COL4A4: variants seen among roughly 807,000 people sequenced by gnomAD.
COL4A4 encodes the protein collagen alpha-4(IV) chain.
Under a neutral mutation model 192.9 loss-of-function variants are expected in COL4A4, and 105 were observed. That is an observed-to-expected ratio of 0.54 (90% CI 0.46 to 0.64). The LOEUF (loss-of-function observed/expected upper bound fraction) is 0.64. Among genes scored for constraint, COL4A4 ranks in the 30% least tolerant of loss-of-function variants. COL4A4 has a pLI of 0.00. For missense variants in COL4A4, 1,967 were observed against 2,169.3 expected (o/e 0.91, Z 1.85); for synonymous variants, 762 against 769.9 (o/e 0.99, Z 0.17).
chr2:227,121,290 G>T, intron 4 of COL4A4, 142 bp from the exon 5 acceptor site: 1 of 985,286 alleles, frequency 1.0e-6, no homozygotes, highest in Non-Finnish European at 1.5e-6. Flanking sequence ...GGCTGGAGAT[G>T]GTGGCTCACA....
chr2:227,048,275 G>T (rs1460071133), intron 34 of COL4A4, among the ~76,000 whole-genome samples: 1 of 152,160 alleles, frequency 6.6e-6, no homozygotes, highest in Non-Finnish European at 1.5e-5. Flanking sequence ...AGTTCCACCA[G>T]CACCTTGTGG....
In COL4A4 at chr2:227,094,124, C is replaced by T. The variant is rs1553676230; in HGVS notation, c.1369+1G>A. ...ATGGATATGAATAAGGAGTACTTTACCACTTGATCCTGGGAGGCCCTGCAG... is the reference window on the plus strand; with the variant it reads ...ATGGATATGAATAAGGAGTACTTTATCACTTGATCCTGGGAGGCCCTGCAG... On this transcript the variant is annotated splice_donor_variant, in intron 20 of 47. Transcript: ENST00000396625. LOFTEE classifies it high-confidence loss of function. 6.2e-7 allele frequency: 1 copy of T among 1,613,548 alleles called. No homozygotes were observed. Among genetic ancestry groups the T allele is most frequent in the Non-Finnish European group, 8.5e-7 (1 of 1,179,702 alleles).
intron 20 of COL4A4, among the ~76,000 whole-genome samples, chr2:227,091,656 G>A (rs866401139): frequency 6.6e-6 from 1 of 152,098 alleles, no homozygotes; most frequent in Non-Finnish European, 1.5e-5. Context: ...CACTTTGGGA[G>A]GCCAAAGGGG....
At chr2:226,994,403 G>A in the COL4A4 span, among the ~76,000 whole-genome samples, 4 of 152,178 alleles carry the variant, frequency 2.6e-5, no homozygotes, top group African/African-American at 7.2e-5. Context: ...GGAAGGTGCC[G>A]AAAGCTGAAG....
chr2:227,054,467 C>A, intron 31 of COL4A4, 127 bp downstream of exon 31: 4 of 1,030,750 alleles, frequency 3.9e-6, no homozygotes, highest in Non-Finnish European at 5.9e-6. Context: ...AAACAAATAC[C>A]ATAGAACTAA....
intron 6 of COL4A4, among the ~76,000 whole-genome samples, chr2:227,119,242 G>A (rs929212276): frequency 6.6e-6 from 1 of 151,692 alleles, no homozygotes; most frequent in Non-Finnish European, 1.5e-5. Context: ...GTTAGAAAAC[G>A]TTGCTTTCCA....
chr2:226,989,171 C>T, the COL4A4 span, among the ~76,000 whole-genome samples: 2 of 152,182 alleles, frequency 1.3e-5, no homozygotes, highest in Non-Finnish European at 2.9e-5. Flanking sequence ...ATCTTTAAGC[C>T]TCAATTCCTC....
chr2:227,114,722 A>T (rs772272402), intron 7 of COL4A4, 26 bp from the exon 8 acceptor site: 1 of 1,561,778 alleles, frequency 6.4e-7, no homozygotes, highest in Non-Finnish European at 8.8e-7. Context: ...GTATGTACTT[A>T]ACAGGAAAAT....
intron 34 of COL4A4, among the ~76,000 whole-genome samples, 182 bp from the exon 35 acceptor site, chr2:227,047,731 C>CCACACACACACACA (rs71036155): frequency 0.051 from 7,505 of 146,206 alleles, 261 homozygotes; most frequent in Non-Finnish European, 0.058. Context: ...AATTTACATA[C>CCACACACACACACA]CACACACACA....
At chr2:227,154,841 T>C (rs2064214544) in intron 1 of COL4A4, among the ~76,000 whole-genome samples, 1 of 152,236 alleles carries the variant, frequency 6.6e-6, no homozygotes, top group Admixed American at 6.5e-5. Flanking sequence ...CTACATTTTT[T>C]TCTGTTCAGA....
intron 31 of COL4A4, among the ~76,000 whole-genome samples, chr2:227,052,890 G>A (rs571306012): frequency 2.0e-5 from 3 of 152,234 alleles, no homozygotes; most frequent in Non-Finnish European, 2.9e-5. Flanking sequence ...AGGGCATACC[G>A]TACTTCTGCC....
chr2:227,068,388 T>C (rs2150366751), intron 25 of COL4A4, among the ~76,000 whole-genome samples: 1 of 152,322 alleles, frequency 6.6e-6, no homozygotes, highest in East Asian at 1.9e-4. Flanking sequence ...ATCATCCTGA[T>C]ACCAAAGCCA....
At chr2:227,041,902 GAAA>G (rs1559479229) in intron 37 of COL4A4, among the ~76,000 whole-genome samples, 1 of 150,380 alleles carries the variant, frequency 6.6e-6, no homozygotes, top group Non-Finnish European at 1.5e-5. Context: ...AAGAAAGAAA[GAAA>G]GAAAGAAAGA....
intron 26 of COL4A4, among the ~76,000 whole-genome samples, chr2:227,061,560 G>A (rs1051853275): frequency 3.9e-5 from 6 of 152,268 alleles, no homozygotes; most frequent in East Asian, 3.9e-4. Flanking sequence ...CCAACCTGCA[G>A]ACCCATAAGA....
chr2:227,129,976 C>T (rs1576730973), intron 4 of COL4A4, among the ~76,000 whole-genome samples: 2 of 151,994 alleles, frequency 1.3e-5, no homozygotes, highest in African/African-American at 4.8e-5. Context: ...GTAATTCAAC[C>T]AGTCAGCCAC....
chr2:227,103,117 A>G (rs1185019589), intron 14 of COL4A4, 27 bp downstream of exon 14: 2 of 1,590,440 alleles, frequency 1.3e-6, no homozygotes, highest in African/African-American at 1.4e-5. Flanking sequence ...CACAAATGAA[A>G]AAAAAAAAGG....
intron 31 of COL4A4, among the ~76,000 whole-genome samples, chr2:227,053,548 T>C (rs928267977): frequency 3.0e-4 from 42 of 141,178 alleles, no homozygotes; most frequent in African/African-American, 9.7e-4. Flanking sequence ...TTTTTCTTTT[T>C]TTTTTTTTTT....
intron 17 of COL4A4, 40 bp from the exon 18 acceptor site, chr2:227,099,729 A>T (rs1286557997): frequency 6.4e-7 from 1 of 1,558,876 alleles, no homozygotes. Flanking sequence ...AGGAATATTA[A>T]TTTTACTCAT....
At chr2:227,112,735 T>C (rs983677344) in intron 8 of COL4A4, among the ~76,000 whole-genome samples, 9 of 152,182 alleles carry the variant, frequency 5.9e-5, no homozygotes, top group African/African-American at 2.2e-4. Flanking sequence ...CCATCCCTCT[T>C]CCCTGCAGCC....
Sources: allele counts gnomAD v4.1 joint callset (sites outside exome capture counted in the v4.1 genomes callset), GRCh38; gene constraint gnomAD v4.1.1; transcripts MANE v1.5; gene names NCBI Gene and HGNC (gene_info 2026-07-23, HGNC 2026-07-21).